Variants in IREB2 observed in about 807,000 individuals in gnomAD.
IREB2 encodes iron responsive element binding protein 2, also known as iron-responsive element-binding protein 2.
A neutral mutation model predicts 118.8 loss-of-function variants in IREB2; 39 were observed. The ratio of observed to expected loss-of-function variants is 0.33; its 90% CI spans 0.25 to 0.43. The LOEUF is 0.43. Among genes scored for constraint, IREB2 ranks in the 20% least tolerant of loss-of-function variants. The probability of loss-of-function intolerance (pLI) is 1.00; values close to 1 mark genes in which losing one functional copy is unlikely to be tolerated. For missense variants in IREB2, 900 were observed against 1,147.3 expected (o/e 0.78, Z 3.11); for synonymous variants, 372 against 392.2 (o/e 0.95, Z 0.61).
chr15:78,484,780 A>C lies in IREB2; in HGVS notation c.1433A>C (p.Gln478Pro). 3.1e-6 allele frequency: 5 copies of C among 1,613,160 alleles called. No individual in the cohort carries two copies. Among genetic ancestry groups the C allele is most frequent in the Non-Finnish European group, 8.5e-7 (1 of 1,179,648 alleles). Reference sequence around the variant, plus strand: ...GTATAGGTTGGATTTAAAGGCTTCCAAATTGCAGCTGAAAAACAAAAGGAT... The same window carrying C: ...GTATAGGTTGGATTTAAAGGCTTCCCAATTGCAGCTGAAAAACAAAAGGAT... The part of the protein sequence containing the change: ...LNEKVGFKGF[Q>P]IAAEKQKDIV... The change falls in exon 12 of 22, where the codon CAA becomes CCA. Residue 478 changes from glutamine to proline, a missense_variant. Coordinates refer to ENST00000258886, the MANE Select transcript of IREB2 (RefSeq NM_004136.4).
At chr15:78,488,123 G>C (rs959294519) in intron 14 of IREB2, 57 bp from the exon 15 acceptor site, 2 of 1,516,264 alleles carry the variant, frequency 1.3e-6, no homozygotes, top group Non-Finnish European at 1.8e-6. Flanking sequence ...TGATTATCCA[G>C]ATTTGTACCA....
chr15:78,455,950 G>A (rs567048363), intron 2 of IREB2, among the ~76,000 whole-genome samples: 1 of 152,180 alleles, frequency 6.6e-6, no homozygotes, highest in Non-Finnish European at 1.5e-5. Context: ...TGATGGAGAG[G>A]CTTCAGTTCT....
In IREB2 at chr15:78,488,657, C is replaced by T. The variant is rs200395156; in HGVS notation, c.1962C>T (p.Pro654=). Residue 654 remains proline, a synonymous_variant, in exon 16 of 22, where the codon CCC becomes CCT. Transcript: ENST00000258886. ...AAAAATTTTAACCAGGTACTGACCC[C>T]ACCGGCAAGAACATTTACCTGCATG... The part of the protein sequence containing the change: ...DFQTEPLGTD[P]TGKNIYLHDI... 6.2e-7 allele frequency: 1 copy of T among 1,607,940 alleles called. No individual in the cohort carries two copies. The highest frequency in any genetic ancestry group is 1.3e-5 in the African/African-American group (1 of 74,548).
intron 11 of IREB2, among the ~76,000 whole-genome samples, chr15:78,484,426 GA>G (rs1441745151): frequency 2.6e-5 from 4 of 152,034 alleles, no homozygotes; most frequent in Non-Finnish European, 5.9e-5. Flanking sequence ...CATTTTAACA[GA>G]AAAAAATTTC....
At chr15:78,449,971 C>T (rs888160715) in intron 2 of IREB2, among the ~76,000 whole-genome samples, 39 of 152,298 alleles carry the variant, frequency 2.6e-4, no homozygotes, top group Admixed American at 5.2e-4. Context: ...AATTACCTGT[C>T]CTTAAAGGGT....
At chr15:78,453,274 G>C (rs2051054021) in intron 2 of IREB2, among the ~76,000 whole-genome samples, 1 of 152,162 alleles carries the variant, frequency 6.6e-6, no homozygotes, top group Admixed American at 6.5e-5. Flanking sequence ...TAGAAAGAGT[G>C]TTTCAAAAAG....
At chr15:78,476,529 C>G (rs8043227) in intron 9 of IREB2, 170 bp downstream of exon 9, 257,767 of 470,970 alleles carry the variant, frequency 0.55, 73,775 homozygotes, top group Non-Finnish European at 0.62. Flanking sequence ...GTTGTGTCCT[C>G]AAACCCTAGT....
At chr15:78,469,724 C>CA (rs201535796) in intron 5 of IREB2, among the ~76,000 whole-genome samples, 20 of 142,750 alleles carry the variant, frequency 1.4e-4, no homozygotes, top group African/African-American at 4.6e-4. Flanking sequence ...AACTCCGTCT[C>CA]AAAAAAAAAA....
chr15:78,481,203 C>T (rs1456718008), intron 10 of IREB2, among the ~76,000 whole-genome samples: 2 of 152,108 alleles, frequency 1.3e-5, no homozygotes, highest in East Asian at 1.9e-4. Flanking sequence ...GAGCTATGAT[C>T]GAGTCAATGC....
At chr15:78,488,001 A>G (rs2051689269) in intron 14 of IREB2, among the ~76,000 whole-genome samples, 179 bp from the exon 15 acceptor site, 2 of 152,224 alleles carry the variant, frequency 1.3e-5, no homozygotes, top group Admixed American at 6.5e-5. Flanking sequence ...TAATTCCTTC[A>G]TAATACAAGG....
chr15:78,466,285 C>T lies in IREB2; in HGVS notation c.425C>T (p.Ala142Val), dbSNP rs1165101351. Reference sequence around the variant, plus strand: ...TGGAATGACAGTGCAATACAGAATGCACCAAATCCTGGAGGTGGTGACCTG... The same window carrying T: ...TGGAATGACAGTGCAATACAGAATGTACCAAATCCTGGAGGTGGTGACCTG... Reference protein sequence around the residue: ...IDFSKCAIQNAPNPGGGDLQK... With the variant: ...IDFSKCAIQNVPNPGGGDLQK... The change falls in exon 5 of 22, where the codon GCA (alanine) becomes GTA (valine). Residue 142 changes from alanine (A) to valine (V), a missense_variant. Ala to Val is a moderately conservative substitution (Grantham distance 64, BLOSUM62 0). Coordinates refer to ENST00000258886, the MANE Select transcript of IREB2 (RefSeq NM_004136.4). 6.2e-7 allele frequency: 1 copy of T among 1,612,474 alleles called. No individual in the cohort carries two copies. The highest frequency in any genetic ancestry group is 2.2e-5 in the East Asian group (1 of 44,852).
upstream of IREB2, among the ~76,000 whole-genome samples, chr15:78,438,010 A>G (rs547966028): frequency 2.0e-5 from 3 of 152,348 alleles, no homozygotes; most frequent in Non-Finnish European, 4.4e-5. Context: ...AGGCCAAACT[A>G]GCCACGCCAA....
chr15:78,488,039 A>G lies in IREB2; in HGVS notation c.1795-141A>G, dbSNP rs186269889. On this transcript the variant is annotated intron_variant, in intron 14 of 21. Coordinates refer to ENST00000258886, the MANE Select transcript of IREB2 (RefSeq NM_004136.4). Reference sequence around the variant, plus strand: ...TTGATTTAGTTTATTTGCAAGATGCATAGTTCTATATTTAAAAATTAGTAA... The same window carrying G: ...TTGATTTAGTTTATTTGCAAGATGCGTAGTTCTATATTTAAAAATTAGTAA... 1,056 of 743,790 alleles carry G rather than the reference A, an allele frequency of 1.4e-3. 13 individuals are homozygous for G. The African/African-American group carries it at 0.016, about 11-fold the overall frequency. The allele number at this position is 743,790 out of a possible 1,614,324, so 46.1% of individuals were successfully genotyped here.
intron 2 of IREB2, among the ~76,000 whole-genome samples, chr15:78,454,463 C>T (rs946010597): frequency 2.0e-5 from 3 of 151,858 alleles, no homozygotes; most frequent in Non-Finnish European, 2.9e-5. Context: ...TATGAAATGC[C>T]CAGGAAAGGC....
At chr15:78,458,463 TA>T (rs2051141250) in intron 2 of IREB2, among the ~76,000 whole-genome samples, 1 of 152,050 alleles carries the variant, frequency 6.6e-6, no homozygotes, top group Non-Finnish European at 1.5e-5. Context: ...CTAAAAAAAT[TA>T]AGCCTCTCAT....
intron 2 of IREB2, among the ~76,000 whole-genome samples, chr15:78,461,140 AGATGC>A (rs1454311283): frequency 6.6e-6 from 1 of 152,230 alleles, no homozygotes; most frequent in Non-Finnish European, 1.5e-5. Flanking sequence ...TCCATGTTCA[AGATGC>A]GTCTTTTCCA....
chr15:78,449,430 T>C (rs560575667), intron 2 of IREB2, among the ~76,000 whole-genome samples: 2 of 152,282 alleles, frequency 1.3e-5, no homozygotes, highest in Admixed American at 1.3e-4. Context: ...AGAGGCAACG[T>C]AAACAAGTGA....
In IREB2 at chr15:78,488,280, T is replaced by C; in HGVS notation, c.1895T>C (p.Val632Ala). ...AATTATCTTGCCTCTCCACCCTTAG[T>C]GGTAGCTTATGCCATAGCAGGCACA... The part of the protein sequence containing the change: ...RANYLASPPL[V>A]VAYAIAGTVN... Residue 632 changes from valine (V) to alanine (A), a missense_variant, in exon 15 of 22, where the codon GTG (valine) becomes GCG (alanine). Physicochemically the swap from Val to Ala is moderately conservative, Grantham distance 64. Coordinates refer to ENST00000258886, the MANE Select transcript of IREB2 (RefSeq NM_004136.4). The C allele has an allele frequency of 6.2e-7, 1 of 1,611,180 alleles. No homozygotes were observed. The highest frequency in any genetic ancestry group is 1.1e-5 in the South Asian group (1 of 90,526).
intron 2 of IREB2, among the ~76,000 whole-genome samples, chr15:78,456,569 G>A (rs2051109089): frequency 6.6e-6 from 1 of 151,990 alleles, no homozygotes; most frequent in East Asian, 1.9e-4. Flanking sequence ...TGGAGGCTGA[G>A]GTGGGAGGAT....
Sources: allele counts gnomAD v4.1 joint callset (sites outside exome capture counted in the v4.1 genomes callset), GRCh38; gene constraint gnomAD v4.1.1; transcripts MANE v1.5; gene names NCBI Gene and HGNC (gene_info 2026-07-23, HGNC 2026-07-21).